LAMC1: variants seen among roughly 807,000 people sequenced by gnomAD.
LAMC1 encodes laminin subunit gamma 1, also known as laminin subunit gamma-1.
A neutral mutation model predicts 173.6 loss-of-function variants in LAMC1; 38 were observed. The ratio of observed to expected loss-of-function variants is 0.22; its 90% confidence interval spans 0.17 to 0.29. The LOEUF is 0.29. LAMC1 is among the 10% of genes least tolerant of loss of function. The probability of loss-of-function intolerance (pLI) is 1.00; values close to 1 mark genes in which losing one functional copy is unlikely to be tolerated. For synonymous variants in LAMC1, 746 were observed against 749.1 expected, an observed-to-expected ratio of 1.00 and a Z score of 0.07; for missense variants, 1,824 against 2,051.8, an observed-to-expected ratio of 0.89 and a Z score of 2.14.
At chr1:183,084,611 G>A (rs10911235) in intron 1 of LAMC1, among the ~76,000 whole-genome samples, 76,238 of 152,034 alleles carry the variant, frequency 0.5, 19,743 homozygotes, top group South Asian at 0.64. Flanking sequence ...AGAACTAGAA[G>A]ATAAGACAGT....
chr1:183,085,326 G>A (rs1241414878), intron 1 of LAMC1, among the ~76,000 whole-genome samples: 1 of 151,852 alleles, frequency 6.6e-6, no homozygotes, highest in African/African-American at 2.4e-5. Context: ...CTTGACTGGT[G>A]GTTTCACTGA....
intron 27 of LAMC1, 145 bp downstream of exon 27, chr1:183,140,648 CT>C (rs1657088572): frequency 2.3e-6 from 1 of 435,706 alleles, no homozygotes; most frequent in Admixed American, 4.2e-5. Flanking sequence ...TTAATATTTC[CT>C]TTTGCTGTTG....
chr1:183,104,342 C>T (rs866119646), intron 2 of LAMC1, among the ~76,000 whole-genome samples: 5 of 152,158 alleles, frequency 3.3e-5, no homozygotes, highest in Admixed American at 6.5e-5. Flanking sequence ...CACCATAATA[C>T]GGAATTCTTC....
intron 1 of LAMC1, among the ~76,000 whole-genome samples, chr1:183,099,552 C>T (rs1348889672): frequency 6.6e-6 from 1 of 152,188 alleles, no homozygotes; most frequent in Admixed American, 6.5e-5. Flanking sequence ...AACCATCTTT[C>T]CTTGGCTTCT....
At chr1:183,115,361 G>C (rs929927446) in intron 5 of LAMC1, among the ~76,000 whole-genome samples, 159 bp from the exon 6 acceptor site, 10 of 152,182 alleles carry the variant, frequency 6.6e-5, no homozygotes, top group African/African-American at 2.4e-4. Context: ...AGAAAGTTCT[G>C]ATTTAAAATT....
At chr1:183,062,609 C>T (rs576412676) in intron 1 of LAMC1, among the ~76,000 whole-genome samples, 8 of 152,210 alleles carry the variant, frequency 5.3e-5, no homozygotes, top group South Asian at 2.1e-4. Flanking sequence ...TGCACCACTA[C>T]GCTCCAGCCT....
intron 1 of LAMC1, among the ~76,000 whole-genome samples, chr1:183,055,879 CA>C (rs1251007170): frequency 6.6e-6 from 1 of 152,022 alleles, no homozygotes; most frequent in East Asian, 1.9e-4. Context: ...GCAAAGCAAG[CA>C]TACAATTGAT....
At chr1:183,091,518 C>G (rs1268115077) in intron 1 of LAMC1, among the ~76,000 whole-genome samples, 1 of 152,162 alleles carries the variant, frequency 6.6e-6, no homozygotes, top group Non-Finnish European at 1.5e-5. Flanking sequence ...TCCCCTCCCT[C>G]TCTAATTACT....
At chr1:183,135,727 A>AT (rs539426291) in intron 24 of LAMC1, among the ~76,000 whole-genome samples, 3 of 150,616 alleles carry the variant, frequency 2.0e-5, no homozygotes, top group South Asian at 4.2e-4. Flanking sequence ...ATAAAAAAAA[A>AT]TTTTTTTTTT....
intron 4 of LAMC1, among the ~76,000 whole-genome samples, chr1:183,112,000 C>T (rs1168634183): frequency 6.6e-6 from 1 of 152,180 alleles, no homozygotes; most frequent in African/African-American, 2.4e-5. Context: ...GATTGCGCCA[C>T]TGCACTCCAG....
intron 1 of LAMC1, among the ~76,000 whole-genome samples, chr1:183,042,165 T>C (rs1350461133): frequency 6.6e-6 from 1 of 152,148 alleles, no homozygotes; most frequent in East Asian, 1.9e-4. Flanking sequence ...GACAGCAGGG[T>C]AGTTCTCCAC....
chr1:183,108,570 G>A (rs569458894), intron 3 of LAMC1, among the ~76,000 whole-genome samples, 164 bp downstream of exon 3: 1 of 152,354 alleles, frequency 6.6e-6, no homozygotes, highest in African/African-American at 2.4e-5. Context: ...TGAAAAGACA[G>A]ACAGCAGCCT....
intron 1 of LAMC1, among the ~76,000 whole-genome samples, chr1:183,045,180 T>C (rs533531349): frequency 8.2e-4 from 125 of 151,758 alleles, no homozygotes; most frequent in African/African-American, 2.8e-3. Context: ...TTAGTATGAA[T>C]TATTGTTTTG....
intron 1 of LAMC1, among the ~76,000 whole-genome samples, chr1:183,060,347 G>C (rs1654710682): frequency 6.7e-6 from 1 of 149,822 alleles, no homozygotes; most frequent in Admixed American, 6.7e-5. Flanking sequence ...GAGCCCAGGA[G>C]TTCAAGGCCA....
chr1:183,062,834 A>G (rs1654775834), intron 1 of LAMC1, among the ~76,000 whole-genome samples: 1 of 152,108 alleles, frequency 6.6e-6, no homozygotes, highest in South Asian at 2.1e-4. Flanking sequence ...CATGCCTGTA[A>G]TCCCAGCTAC....
At chr1:183,047,935 A>AT (rs1472578903) in intron 1 of LAMC1, among the ~76,000 whole-genome samples, 1 of 152,092 alleles carries the variant, frequency 6.6e-6, no homozygotes, top group Non-Finnish European at 1.5e-5. Flanking sequence ...GTATATAAAT[A>AT]TTTTTTTAGC....
intron 16 of LAMC1, among the ~76,000 whole-genome samples, chr1:183,126,480 C>T (rs928914171): frequency 1.2e-4 from 19 of 152,200 alleles, no homozygotes; most frequent in African/African-American, 2.4e-4. Flanking sequence ...TCTTTTACAA[C>T]GTTTCTGATG....
intron 1 of LAMC1, among the ~76,000 whole-genome samples, chr1:183,090,479 G>T (rs1655537809): frequency 1.3e-5 from 2 of 152,268 alleles, no homozygotes; most frequent in African/African-American, 2.4e-5. Flanking sequence ...GAAGAAGGGG[G>T]TGTATTCGTT....
chr1:183,120,779 G>A (rs1232432881), intron 11 of LAMC1, among the ~76,000 whole-genome samples: 1 of 152,190 alleles, frequency 6.6e-6, no homozygotes, highest in Admixed American at 6.5e-5. Context: ...TTGTATACTT[G>A]TCAGAAGTAA....
Sources: allele counts gnomAD v4.1 joint callset (sites outside exome capture counted in the v4.1 genomes callset), GRCh38; gene constraint gnomAD v4.1.1; transcripts MANE v1.5; gene names NCBI Gene and HGNC (gene_info 2026-07-23, HGNC 2026-07-21).